The following CRYBG3 variants were observed in gnomAD, a reference collection of about 807,000 sequenced individuals.
CRYBG3 encodes very large A-kinase anchor protein.
A neutral mutation model predicts 244.2 loss-of-function variants in CRYBG3; 127 were observed. The observed-to-expected ratio is 0.52, with a 90% CI of 0.45 to 0.60. The LOEUF (loss-of-function observed/expected upper bound fraction) is 0.60. Ranked by LOEUF, CRYBG3 falls within the 20% of genes least tolerant of loss-of-function variation. CRYBG3 has a pLI of 0.00. For missense variants in CRYBG3, 3,325 were observed against 3,442.5 expected (o/e 0.97, Z 0.85); for synonymous variants, 1,132 against 1,195.8 (o/e 0.95, Z 1.10).
At chr3:97,884,741 G>A (rs1325091965) in intron 7 of CRYBG3, among the ~76,000 whole-genome samples, 1 of 152,076 alleles carries the variant, frequency 6.6e-6, no homozygotes, top group African/African-American at 2.4e-5. Context: ...GAACTTAACA[G>A]TGAAATCTTT....
At chr3:97,851,691 G>GCAA (rs2108185191) in intron 2 of CRYBG3, among the ~76,000 whole-genome samples, 1 of 152,282 alleles carries the variant, frequency 6.6e-6, no homozygotes, top group Admixed American at 6.5e-5. Flanking sequence ...CATTGTGAGT[G>GCAA]GTAAGAGATG....
intron 1 of CRYBG3, among the ~76,000 whole-genome samples, chr3:97,822,905 A>C (rs1186374100): frequency 6.6e-6 from 1 of 152,218 alleles, no homozygotes; most frequent in Non-Finnish European, 1.5e-5. Flanking sequence ...TCTCAAAATG[A>C]TTTTTAAAAG....
chr3:97,855,979 C>G (rs1354159341), intron 2 of CRYBG3, among the ~76,000 whole-genome samples: 1 of 152,066 alleles, frequency 6.6e-6, no homozygotes, highest in Non-Finnish European at 1.5e-5. Flanking sequence ...TGAGAGCAAC[C>G]GGTCTGACCA....
At position 97,876,605 on chromosome 3, in the gene CRYBG3, G is replaced by T. The variant is rs553783903; in HGVS notation, c.5411G>T (p.Cys1804Phe). ...EVIKNTEIVP[C>F]VLKVKEAHET... is the part of the protein sequence containing the mutation. ...ATTAAGAATACTGAAATAGTACCGT[G>T]TGTGTTAAAAGTGAAGGAAGCACAC... The change falls in exon 4 of 22, where the codon TGT becomes TTT. Residue 1804 changes from cysteine (C) to phenylalanine (F), a missense_variant. Physicochemically the swap from Cys to Phe is radical, Grantham distance 205. This residue lies in a region of CRYBG3 where 635 missense variants were observed against 771.7 expected (regional missense o/e 0.82). Coordinates refer to ENST00000389622, the MANE Select transcript of CRYBG3 (RefSeq NM_153605.4). 1 of 1,233,836 alleles carries T rather than the reference G, an allele frequency of 8.1e-7. No individual in the cohort carries two copies. Among genetic ancestry groups the T allele is most frequent in the Middle Eastern group, 3.1e-4 (1 of 3,210 alleles). The allele number at this position is 1,233,836 out of a possible 1,614,324, so 76.4% of individuals were successfully genotyped here. A position where few individuals can be genotyped will look rare whatever the true frequency, so the allele number is the denominator to read the frequency against.
chr3:97,873,964 C>G lies in CRYBG3; in HGVS notation c.2770C>G (p.Pro924Ala), dbSNP rs770737641. 1.3e-5 allele frequency: 20 copies of G among 1,534,834 alleles called. No homozygotes were observed. The highest frequency in any genetic ancestry group is 1.7e-5 in the Non-Finnish European group (19 of 1,146,608). The change falls in exon 4 of 22, where the codon CCA (proline) becomes GCA (alanine). Residue 924 changes from proline to alanine, a missense_variant. By Grantham distance (27) the Pro-to-Ala change is conservative. This residue lies in a region of CRYBG3 where 1,526 missense variants were observed against 1,443.2 expected (regional missense o/e 1.06). Coordinates refer to ENST00000389622, the MANE Select transcript of CRYBG3 (RefSeq NM_153605.4). ...CTCCAAATATGAAGATAAGCCAGAACCAGAGGTAGATGCCTTAGGCTCTCC... is the reference window on the plus strand; with the variant it reads ...CTCCAAATATGAAGATAAGCCAGAAGCAGAGGTAGATGCCTTAGGCTCTCC... ...AASKYEDKPEPEVDALGSPPA... is the reference protein window; with the variant it reads ...AASKYEDKPEAEVDALGSPPA...
At chr3:97,881,322 G>T (rs1279269773) in intron 7 of CRYBG3, 103 bp downstream of exon 7, 4 of 738,584 alleles carry the variant, frequency 5.4e-6, no homozygotes, top group Non-Finnish European at 8.3e-6. Flanking sequence ...TAATTTTTGT[G>T]CTGTTATTAA....
intron 15 of CRYBG3, among the ~76,000 whole-genome samples, chr3:97,907,756 CT>C (rs2039796151): frequency 6.6e-6 from 1 of 151,910 alleles, no homozygotes; most frequent in East Asian, 1.9e-4. Flanking sequence ...TTCAGTTCTG[CT>C]GTGATTTTAG....
At chr3:97,897,017 A>G (rs2039647578) in intron 12 of CRYBG3, among the ~76,000 whole-genome samples, 1 of 152,074 alleles carries the variant, frequency 6.6e-6, no homozygotes, top group Non-Finnish European at 1.5e-5. Flanking sequence ...GGAATATAGC[A>G]GTATTTAGGC....
chr3:97,841,061 ATTC>A (rs906988203), intron 1 of CRYBG3, among the ~76,000 whole-genome samples: 2 of 151,936 alleles, frequency 1.3e-5, no homozygotes, highest in African/African-American at 2.4e-5. Context: ...ATTATGAGAA[ATTC>A]TTATTTTATA....
chr3:97,846,530 A>G (rs1223711613), intron 2 of CRYBG3, among the ~76,000 whole-genome samples: 1 of 152,020 alleles, frequency 6.6e-6, no homozygotes, highest in East Asian at 1.9e-4. Flanking sequence ...ATCTTCGGAG[A>G]TGTTTTTTCA....
intron 2 of CRYBG3, among the ~76,000 whole-genome samples, chr3:97,850,738 A>G (rs1022891262): frequency 7.9e-5 from 12 of 152,230 alleles, no homozygotes; most frequent in Non-Finnish European, 2.9e-5. Context: ...TTACAAATTT[A>G]GTTGTAAAAT....
At chr3:97,823,140 A>T (rs1182294095) in intron 1 of CRYBG3, among the ~76,000 whole-genome samples, 1 of 152,286 alleles carries the variant, frequency 6.6e-6, no homozygotes, top group African/African-American at 2.4e-5. Context: ...AAATCAAAAA[A>T]TTTTAGACAT....
chr3:97,915,486 G>A, intron 16 of CRYBG3, 124 bp from the exon 17 acceptor site: 3 of 899,850 alleles, frequency 3.3e-6, no homozygotes, highest in Non-Finnish European at 4.9e-6. Flanking sequence ...TTTTAAAGCT[G>A]GTGTGGTGGT....
At chr3:97,863,107 T>C (rs756450681) in intron 2 of CRYBG3, among the ~76,000 whole-genome samples, 9 of 152,168 alleles carry the variant, frequency 5.9e-5, no homozygotes, top group Admixed American at 5.2e-4. Flanking sequence ...AACATTGTCA[T>C]GTGAACCTAA....
chr3:97,876,092 AAATTGAGGT>A lies in CRYBG3; in HGVS notation c.4899_4907del (p.Glu1635_Ile1637del). The A allele has an allele frequency of 8.1e-7, 1 of 1,232,074 alleles. No individual in the cohort carries two copies. The highest frequency in any genetic ancestry group is 1.0e-6 in the Non-Finnish European group (1 of 987,924). 76.3% of individuals were successfully genotyped at this position (1,232,074 alleles called of 1,614,324 possible). On this transcript the variant is annotated inframe_deletion, in exon 4 of 22. Coordinates refer to ENST00000389622, the MANE Select transcript of CRYBG3 (RefSeq NM_153605.4). ...AAGGATACTGAAGGGGATATTGGCA[AAATTGAGGT>A]GATACCTATGATGCCAGAAGTGAAA...
intron 7 of CRYBG3, among the ~76,000 whole-genome samples, chr3:97,882,667 G>A (rs2039463598): frequency 6.6e-6 from 1 of 152,168 alleles, no homozygotes; most frequent in African/African-American, 2.4e-5. Flanking sequence ...TAGTTTTCAA[G>A]TTATGGAGAT....
intron 1 of CRYBG3, among the ~76,000 whole-genome samples, chr3:97,837,288 C>T (rs1190288517): frequency 1.3e-5 from 2 of 152,016 alleles, no homozygotes; most frequent in Non-Finnish European, 2.9e-5. Context: ...AGGACTTCAT[C>T]ACGGGAGTTG....
chr3:97,871,868 C>T lies in CRYBG3; in HGVS notation c.674C>T (p.Pro225Leu). ...CAAATCGATGGTAAACCAGAGAAGC[C>T]TTCAGTAACATATGCAACATATCGA... The part of the protein sequence containing the change: ...LKQIDGKPEK[P>L]SVTYATYRGP... Residue 225 changes from proline to leucine, a missense_variant, in exon 4 of 22, where the codon CCT (proline) becomes CTT (leucine). Physicochemically the swap from Pro to Leu is moderately conservative, Grantham distance 98. Transcript: ENST00000389622. The T allele has an allele frequency of 6.6e-7, 1 of 1,512,494 alleles. No homozygotes were observed. The highest frequency in any genetic ancestry group is 8.8e-7 in the Non-Finnish European group (1 of 1,139,816). 93.7% of individuals were successfully genotyped at this position (1,512,494 alleles called of 1,614,324 possible). A position where few individuals can be genotyped will look rare whatever the true frequency, so the allele number is the denominator to read the frequency against.
intron 15 of CRYBG3, among the ~76,000 whole-genome samples, chr3:97,904,958 A>G (rs899331665): frequency 2.0e-4 from 28 of 141,180 alleles, no homozygotes; most frequent in African/African-American, 3.7e-4. Context: ...CTCATTGTTC[A>G]GTTCCCACCT....
Sources: gnomAD v4.1 joint callset for allele counts (sites outside exome capture counted in the v4.1 genomes callset) on GRCh38, gnomAD v4.1.1 for gene constraint, gnomAD v4.1.1 regional missense constraint, MANE v1.5 for transcripts, NCBI Gene and HGNC (gene_info 2026-07-23, HGNC 2026-07-21) for gene names.